The following SLC2A13 variants were observed in gnomAD, a reference collection of about 807,000 sequenced individuals.
SLC2A13 encodes the protein proton myo-inositol cotransporter.
A neutral mutation model predicts 64.4 loss-of-function variants in SLC2A13; 32 were observed. The ratio of observed to expected loss-of-function variants is 0.50; its 90% CI spans 0.37 to 0.67. SLC2A13 has a LOEUF of 0.67. Ranked by LOEUF, SLC2A13 falls within the 30% of genes least tolerant of loss-of-function variation. The pLI is 0.00. For synonymous variants in SLC2A13, 338 were observed against 327.1 expected, an observed-to-expected ratio of 1.03 and a Z score of -0.36; for missense variants, 743 against 829.2, an observed-to-expected ratio of 0.90 and a Z score of 1.28.
At chr12:39,995,585 T>A (rs1489728222) in intron 3 of SLC2A13, among the ~76,000 whole-genome samples, 1 of 152,216 alleles carries the variant, frequency 6.6e-6, no homozygotes, top group African/African-American at 2.4e-5. Flanking sequence ...ATTAAAGATA[T>A]AAAAGTAGGC....
At chr12:40,064,322 C>G (rs1355453748) in intron 1 of SLC2A13, among the ~76,000 whole-genome samples, 2 of 152,158 alleles carry the variant, frequency 1.3e-5, no homozygotes, top group South Asian at 4.1e-4. Flanking sequence ...TACATACACA[C>G]ATACCCTTAA....
chr12:39,844,799 TAAAG>T, intron 6 of SLC2A13, among the ~76,000 whole-genome samples: 1 of 152,098 alleles, frequency 6.6e-6, no homozygotes, highest in Middle Eastern at 3.4e-3. Flanking sequence ...AAAATAAAGA[TAAAG>T]AAATACCTAA....
chr12:39,912,784 C>T (rs1592278023), intron 4 of SLC2A13, among the ~76,000 whole-genome samples: 1 of 152,176 alleles, frequency 6.6e-6, no homozygotes, highest in Non-Finnish European at 1.5e-5. Flanking sequence ...ATCCTCTGCC[C>T]CTCCCTGCTG....
At chr12:39,934,896 G>T (rs989555848) in intron 4 of SLC2A13, among the ~76,000 whole-genome samples, 2 of 152,088 alleles carry the variant, frequency 1.3e-5, no homozygotes, top group Non-Finnish European at 2.9e-5. Context: ...TGAATGGCAG[G>T]TCATCAGACT....
At chr12:39,830,356 T>G (rs983084457) in intron 6 of SLC2A13, 128 bp from the exon 7 acceptor site, 3 of 1,449,490 alleles carry the variant, frequency 2.1e-6, no homozygotes, top group Non-Finnish European at 2.7e-6. Flanking sequence ...GGGACTTGTT[T>G]TGGCCAAGGA....
chr12:39,772,298 T>A (rs1473742072), intron 7 of SLC2A13, among the ~76,000 whole-genome samples: 2 of 152,160 alleles, frequency 1.3e-5, no homozygotes, highest in Non-Finnish European at 2.9e-5. Context: ...CTCAATTTTC[T>A]TGTAAAATAA....
intron 3 of SLC2A13, among the ~76,000 whole-genome samples, chr12:39,958,600 A>G (rs904885817): frequency 3.3e-5 from 5 of 151,222 alleles, no homozygotes; most frequent in Admixed American, 1.3e-4. Flanking sequence ...TCCTCCACTT[A>G]CTTGTTCAAA....
intron 4 of SLC2A13, among the ~76,000 whole-genome samples, chr12:39,922,840 A>G (rs1945638824): frequency 6.6e-6 from 1 of 152,250 alleles, no homozygotes; most frequent in Non-Finnish European, 1.5e-5. Flanking sequence ...CTTGTCTTGC[A>G]AAACACAAAG....
chr12:39,873,217 C>T (rs1377760770), intron 4 of SLC2A13, among the ~76,000 whole-genome samples: 4 of 152,104 alleles, frequency 2.6e-5, no homozygotes, highest in Non-Finnish European at 5.9e-5. Context: ...ACTGATCACA[C>T]TAAAAAGCTG....
At chr12:39,854,952 T>A (rs1473489626) in intron 6 of SLC2A13, among the ~76,000 whole-genome samples, 1 of 152,206 alleles carries the variant, frequency 6.6e-6, no homozygotes, top group Non-Finnish European at 1.5e-5. Context: ...GTCCTTAATA[T>A]GGGGCCTGTA....
chr12:39,899,674 T>C (rs982606589), intron 4 of SLC2A13, among the ~76,000 whole-genome samples: 1 of 152,162 alleles, frequency 6.6e-6, no homozygotes, highest in African/African-American at 2.4e-5. Context: ...GATTCTGGTA[T>C]GTTGTGTCTT....
At position 39,991,822 on chromosome 12, in the gene SLC2A13, G is replaced by A. The variant is rs2136167718; in HGVS notation, c.925+36479C>T. ...CTATCTTTTTAAAAAAAAATGAAAC[G>A]GTGATGGTAGTTGAGTTATTTTGTT... On this transcript the variant is annotated intron_variant, in intron 3 of 9. Coordinates refer to ENST00000280871, the MANE Select transcript of SLC2A13 (RefSeq NM_052885.4). Among the ~76,000 whole-genome samples the A allele has an allele frequency of 1.3e-5, 2 of 151,634 alleles. 1 individual carries two copies. Among genetic ancestry groups the A allele is most frequent in the African/African-American group, 4.8e-5 (2 of 41,288 alleles).
At chr12:40,011,316 C>G (rs901581589) in intron 3 of SLC2A13, among the ~76,000 whole-genome samples, 1 of 152,118 alleles carries the variant, frequency 6.6e-6, no homozygotes, top group Non-Finnish European at 1.5e-5. Context: ...ATCAAAAATG[C>G]CTCCAGACAT....
intron 5 of SLC2A13, among the ~76,000 whole-genome samples, chr12:39,867,373 C>G (rs777504737): frequency 4.6e-5 from 7 of 151,920 alleles, no homozygotes; most frequent in Non-Finnish European, 8.8e-5. Flanking sequence ...AATTCTAGTG[C>G]CTGGCATATA....
In SLC2A13 at chr12:39,757,793, A is replaced by G. The variant is rs761343072; in HGVS notation, c.*2233T>C. ...CTGCTTTAGGAAATAACAAGAGTCC[A>G]GTTTCTCCTTTAATAAAGTTACTGT... On this transcript the variant is annotated 3_prime_UTR_variant, in exon 10 of 10. Transcript: ENST00000280871. 1 of 152,220 alleles carries G rather than the reference A, an allele frequency of 6.6e-6. No homozygotes were observed. Among genetic ancestry groups the G allele is most frequent in the Admixed American group, 6.6e-5 (1 of 15,190 alleles). 9.4% of individuals were successfully genotyped at this position (152,220 alleles called of 1,614,324 possible).
intron 3 of SLC2A13, among the ~76,000 whole-genome samples, chr12:40,027,079 C>CAAAA (rs762673381): frequency 9.5e-5 from 8 of 83,808 alleles, no homozygotes; most frequent in African/African-American, 3.8e-4. Flanking sequence ...GACTTCATCT[C>CAAAA]AAAAAAAAAA....
At chr12:40,078,077 T>C (rs1938248300) in intron 1 of SLC2A13, among the ~76,000 whole-genome samples, 1 of 152,194 alleles carries the variant, frequency 6.6e-6, no homozygotes, top group African/African-American at 2.4e-5. Context: ...TTTCTAGATA[T>C]ACAATTATAT....
Position 40,030,222 on chromosome 12 carries a change from T to C in SLC2A13, c.717-1713A>G, listed in dbSNP as rs1046902776. On this transcript the variant is annotated intron_variant, in intron 2 of 9. Coordinates refer to ENST00000280871, the MANE Select transcript of SLC2A13 (RefSeq NM_052885.4). ...TTCCTTCCAACCAAACCATTCATTATTCTAGATATAACTGGACCGTCTCTT... is the reference window on the plus strand; with the variant it reads ...TTCCTTCCAACCAAACCATTCATTACTCTAGATATAACTGGACCGTCTCTT... 3.3e-5 allele frequency among the ~76,000 whole-genome samples: 5 copies of C among 152,334 alleles called. No individual in the cohort carries two copies. In the East Asian group the frequency reaches 7.7e-4, roughly 23 times the overall value.
intron 3 of SLC2A13, among the ~76,000 whole-genome samples, chr12:39,977,096 G>C (rs1946774361): frequency 6.6e-6 from 1 of 152,152 alleles, no homozygotes; most frequent in African/African-American, 2.4e-5. Flanking sequence ...AGGATGAGGG[G>C]TTTGGAAAGA....
Sources: allele counts gnomAD v4.1 joint callset (sites outside exome capture counted in the v4.1 genomes callset), GRCh38; gene constraint gnomAD v4.1.1; transcripts MANE v1.5; gene names NCBI Gene and HGNC (gene_info 2026-07-23, HGNC 2026-07-21).